HDAC9: variants seen among roughly 807,000 people sequenced by gnomAD.
HDAC9 encodes MEF-2 interacting transcription repressor (MITR) protein.
In HDAC9, 41 loss-of-function variants were observed where a neutral mutation model predicts 139.4. That is an observed-to-expected ratio of 0.29 (90% CI 0.23 to 0.38). The LOEUF (loss-of-function observed/expected upper bound fraction) is 0.38. HDAC9 is among the 10% of genes least tolerant of loss of function. HDAC9 has a pLI of 1.00. For missense variants in HDAC9, 1,147 were observed against 1,297.0 expected (o/e 0.88, Z 1.78); for synonymous variants, 517 against 476.2 (o/e 1.09, Z -1.12).
At chr7:18,286,014 C>T (rs1241549687), upstream of HDAC9, among the ~76,000 whole-genome samples, 2 of 152,044 alleles carry the variant, frequency 1.3e-5, no homozygotes, top group Non-Finnish European at 2.9e-5. Context: ...CAATGTTGAA[C>T]TAGCAATTTT....
At chr7:18,720,612 C>T (rs999783091) in intron 12 of HDAC9, among the ~76,000 whole-genome samples, 1 of 149,024 alleles carries the variant, frequency 6.7e-6, no homozygotes, top group Admixed American at 6.6e-5. Context: ...AGTAAATTCA[C>T]ATACTTTACC....
intron 1 of HDAC9, among the ~76,000 whole-genome samples, chr7:18,365,068 G>A (rs890894809): frequency 3.3e-5 from 5 of 152,084 alleles, no homozygotes; most frequent in Non-Finnish European, 7.4e-5. Context: ...TTGACAGCTG[G>A]TAAGTTTCAG....
rs1471569110 is a variant in HDAC9, at chr7:18,903,995, G to C, written c.2803+29399G>C. Among the ~76,000 whole-genome samples, 5 of 152,124 alleles carry C rather than the reference G, an allele frequency of 3.3e-5. No homozygotes were observed. In the East Asian group the frequency reaches 9.6e-4, roughly 29 times the overall value. On this transcript the variant is annotated intron_variant, in intron 22 of 25. Coordinates refer to ENST00000686413, the MANE Select transcript of HDAC9 (RefSeq NM_178425.4). ...ATGAGAATAATGCTGGCTACGATTG[G>C]GAACAGAGATTCTGATGGAAGTCTG... is the stretch of plus-strand genomic sequence containing the variant.
chr7:18,161,029 A>T (rs1392538840), intron 1 of HDAC9, among the ~76,000 whole-genome samples: 1 of 152,236 alleles, frequency 6.6e-6, no homozygotes, highest in Non-Finnish European at 1.5e-5. Context: ...TTGACACAGA[A>T]ATCAAGACTG....
intron 1 of HDAC9, among the ~76,000 whole-genome samples, chr7:18,157,167 C>T (rs993178729): frequency 6.6e-5 from 10 of 152,118 alleles, no homozygotes; most frequent in Admixed American, 2.6e-4. Flanking sequence ...AGCATGGACA[C>T]GCGAATGATA....
chr7:18,443,680 G>A (rs1249664489), intron 1 of HDAC9, among the ~76,000 whole-genome samples: 1 of 151,972 alleles, frequency 6.6e-6, no homozygotes, highest in African/African-American at 2.4e-5. Context: ...AAATAGCAGA[G>A]TACCACCCTT....
At chr7:18,795,395 A>G (rs956814407) in intron 17 of HDAC9, among the ~76,000 whole-genome samples, 1 of 151,950 alleles carries the variant, frequency 6.6e-6, no homozygotes, top group African/African-American at 2.4e-5. Context: ...CTGGTTCTGC[A>G]CAATCATCTA....
intron 2 of HDAC9, chr7:18,509,389 C>G (rs1003072153): frequency 2.0e-6 from 2 of 985,218 alleles, no homozygotes; most frequent in African/African-American, 3.5e-5. Context: ...AGACTGAGAC[C>G]GAGCCAAACT....
At chr7:18,204,803 T>C (rs562558286) in intron 2 of HDAC9, among the ~76,000 whole-genome samples, 1 of 152,210 alleles carries the variant, frequency 6.6e-6, no homozygotes, top group East Asian at 1.9e-4. Flanking sequence ...CATTTTATCT[T>C]ATGTTTGATA....
intron 1 of HDAC9, among the ~76,000 whole-genome samples, chr7:18,108,318 T>G (rs1297044434): frequency 2.0e-5 from 3 of 152,142 alleles, no homozygotes; most frequent in African/African-American, 7.2e-5. Context: ...CAGCGTTCAC[T>G]GTATATGGAG....
chr7:18,972,198 A>G (rs1361120563), intron 24 of HDAC9, among the ~76,000 whole-genome samples: 1 of 152,170 alleles, frequency 6.6e-6, no homozygotes, highest in Non-Finnish European at 1.5e-5. Context: ...CAGAAGGACC[A>G]CGATAAGTGA....
At chr7:18,771,878 T>C (rs1044969716) in intron 16 of HDAC9, among the ~76,000 whole-genome samples, 2 of 152,164 alleles carry the variant, frequency 1.3e-5, no homozygotes, top group African/African-American at 2.4e-5. Flanking sequence ...ATGGTCATCT[T>C]TGAAACAAAA....
At chr7:18,729,227 G>A (rs1184083980) in intron 13 of HDAC9, among the ~76,000 whole-genome samples, 3 of 151,800 alleles carry the variant, frequency 2.0e-5, no homozygotes, top group Non-Finnish European at 4.4e-5. Context: ...AGAAAATACA[G>A]AGTAACAACC....
At chr7:18,392,485 A>G (rs1403507430) in intron 1 of HDAC9, among the ~76,000 whole-genome samples, 1 of 152,080 alleles carries the variant, frequency 6.6e-6, no homozygotes, top group Non-Finnish European at 1.5e-5. Flanking sequence ...AAAATCCGTT[A>G]CTGGTAAATA....
chr7:18,375,528 T>C (rs956167630), intron 1 of HDAC9, among the ~76,000 whole-genome samples: 4 of 152,074 alleles, frequency 2.6e-5, no homozygotes, highest in African/African-American at 9.7e-5. Flanking sequence ...GGTTGGTATA[T>C]GGTAGGCCCT....
chr7:18,545,917 C>A (rs973495292), intron 2 of HDAC9, among the ~76,000 whole-genome samples: 1 of 152,108 alleles, frequency 6.6e-6, no homozygotes, highest in Non-Finnish European at 1.5e-5. Context: ...CTTTCTTATT[C>A]TTTGGCCTGT....
At chr7:18,707,162 G>A (rs1239714897) in intron 12 of HDAC9, among the ~76,000 whole-genome samples, 16 of 152,226 alleles carry the variant, frequency 1.1e-4, no homozygotes, top group Non-Finnish European at 1.5e-5. Flanking sequence ...CAGCGAGATG[G>A]CGTGGAAGCC....
At chr7:18,400,187 A>G (rs545338073) in intron 1 of HDAC9, among the ~76,000 whole-genome samples, 4 of 152,220 alleles carry the variant, frequency 2.6e-5, no homozygotes, top group Non-Finnish European at 5.9e-5. Flanking sequence ...AGGTAAAGAG[A>G]GAAAAATAAT....
intron 12 of HDAC9, among the ~76,000 whole-genome samples, chr7:18,720,814 C>T (rs990182780): frequency 1.3e-5 from 2 of 151,908 alleles, no homozygotes; most frequent in Non-Finnish European, 2.9e-5. Flanking sequence ...CCTGGGACTA[C>T]AGGCATTTGA....
Sources: allele counts gnomAD v4.1 joint callset (sites outside exome capture counted in the v4.1 genomes callset), GRCh38; gene constraint gnomAD v4.1.1; transcripts MANE v1.5; gene names NCBI Gene and HGNC (gene_info 2026-07-23, HGNC 2026-07-21).